ANK1: variants seen among roughly 807,000 people sequenced by gnomAD.
The protein encoded by ANK1 is ankyrin-1.
In ANK1, 51 loss-of-function variants were observed where a neutral mutation model predicts 210.4. The ratio of observed to expected loss-of-function variants is 0.24; its 90% CI spans 0.19 to 0.31. ANK1 has a LOEUF of 0.31. Ranked by LOEUF, ANK1 falls within the 10% of genes least tolerant of loss-of-function variation. The probability of loss-of-function intolerance (pLI) is 1.00; values close to 1 mark genes in which losing one functional copy is unlikely to be tolerated. For synonymous variants in ANK1, 967 were observed against 1,025.9 expected (o/e 0.94, Z 1.10); for missense variants, 2,051 against 2,504.4 (o/e 0.82, Z 3.86).
chr8:41,888,891 G>A (rs1293236053), intron 1 of ANK1, among the ~76,000 whole-genome samples: 8 of 152,308 alleles, frequency 5.3e-5, no homozygotes, highest in African/African-American at 1.4e-4. Flanking sequence ...CACTGGAACC[G>A]GAGGCCACAG....
intron 1 of ANK1, among the ~76,000 whole-genome samples, chr8:41,864,891 G>C (rs899821266): frequency 6.6e-6 from 1 of 152,216 alleles, no homozygotes; most frequent in Non-Finnish European, 1.5e-5. Context: ...GCATTTCACA[G>C]CCCAAACAAC....
intron 1 of ANK1, among the ~76,000 whole-genome samples, chr8:41,896,046 A>C (rs1454522111): frequency 6.6e-6 from 1 of 152,210 alleles, no homozygotes; most frequent in Non-Finnish European, 1.5e-5. Context: ...GTCCTAGAGC[A>C]GCGCGGGCCT....
intron 42 of ANK1, among the ~76,000 whole-genome samples, chr8:41,656,751 G>A (rs1805850330): frequency 6.6e-6 from 1 of 152,200 alleles, no homozygotes; most frequent in Non-Finnish European, 1.5e-5. Context: ...ACATAGAGCT[G>A]TTTTGGGTCC....
intron 1 of ANK1, among the ~76,000 whole-genome samples, chr8:41,772,466 G>A (rs1158181143): frequency 6.6e-6 from 1 of 152,058 alleles, no homozygotes; most frequent in Non-Finnish European, 1.5e-5. Flanking sequence ...TAAAGCTTTT[G>A]TCAAAGGTTA....
In ANK1 at chr8:41,715,026, C is replaced by T; in HGVS notation, c.1651G>A (p.Val551Met). Residue 551 changes from valine to methionine, a missense_variant, in exon 15 of 43, where the codon GTG becomes ATG. Coordinates refer to ENST00000289734, the MANE Select transcript of ANK1 (RefSeq NM_000037.4). ...HVAAKYGKVRVAELLLERDAH... is the reference protein window; with the variant it reads ...HVAAKYGKVRMAELLLERDAH... ...TCCCGCTCCAGCAGCAGCTCTGCCA[C>T]CCGCACCTTCCCGTACTTGGCCGCC... 1 of 1,614,158 alleles carries T rather than the reference C, an allele frequency of 6.2e-7. No homozygotes were observed. The highest frequency in any genetic ancestry group is 8.5e-7 in the Non-Finnish European group (1 of 1,180,034).
chr8:41,793,549 G>A (rs929826757), intron 1 of ANK1, among the ~76,000 whole-genome samples: 3 of 152,226 alleles, frequency 2.0e-5, no homozygotes, highest in African/African-American at 7.2e-5. Flanking sequence ...TTGGTTGTGT[G>A]TGAAGAATGG....
At chr8:41,877,305 G>A (rs1816771808) in intron 1 of ANK1, among the ~76,000 whole-genome samples, 1 of 152,258 alleles carries the variant, frequency 6.6e-6, no homozygotes, top group Admixed American at 6.5e-5. Flanking sequence ...CCAGGCTGGG[G>A]AAAGGAGCAG....
At chr8:41,810,665 C>A (rs893275931) in intron 1 of ANK1, among the ~76,000 whole-genome samples, 1 of 152,218 alleles carries the variant, frequency 6.6e-6, no homozygotes, top group East Asian at 1.9e-4. Flanking sequence ...TCCAGAGCAA[C>A]GTGCCGCCGA....
At chr8:41,688,789 C>T (rs775546218) in intron 33 of ANK1, among the ~76,000 whole-genome samples, 200 bp from the exon 34 acceptor site, 3 of 152,138 alleles carry the variant, frequency 2.0e-5, no homozygotes, top group Non-Finnish European at 4.4e-5. Flanking sequence ...AGCGCACATG[C>T]GTTATTAATC....
intron 38 of ANK1, among the ~76,000 whole-genome samples, chr8:41,672,020 G>T (rs1291146375): frequency 6.6e-6 from 1 of 150,466 alleles, no homozygotes; most frequent in Non-Finnish European, 1.5e-5. Flanking sequence ...AGCCCTCCCA[G>T]TGCCCTCATG....
chr8:41,682,205 G>A (rs550166078), intron 37 of ANK1, among the ~76,000 whole-genome samples: 14 of 149,842 alleles, frequency 9.3e-5, no homozygotes, highest in East Asian at 2.0e-4. Flanking sequence ...CTCCAGCCCC[G>A]TCCTGTGAAC....
intron 17 of ANK1, 57 bp downstream of exon 17, chr8:41,708,721 A>C (rs1364080104): frequency 1.3e-6 from 2 of 1,590,316 alleles, no homozygotes; most frequent in African/African-American, 2.7e-5. Flanking sequence ...CTCAATATGA[A>C]GACACCACAC....
At chr8:41,769,399 A>G (rs956408194) in intron 1 of ANK1, among the ~76,000 whole-genome samples, 1 of 152,222 alleles carries the variant, frequency 6.6e-6, no homozygotes, top group African/African-American at 2.4e-5. Context: ...TCCTCTACAC[A>G]GAGAACTCCA....
At chr8:41,755,169 C>G (rs1255206649) in intron 2 of ANK1, among the ~76,000 whole-genome samples, 1 of 152,214 alleles carries the variant, frequency 6.6e-6, no homozygotes, top group Non-Finnish European at 1.5e-5. Flanking sequence ...GAAATGGTGT[C>G]AATAAAGTGC....
intron 1 of ANK1, among the ~76,000 whole-genome samples, chr8:41,839,000 C>G (rs527796741): frequency 6.6e-6 from 1 of 151,986 alleles, no homozygotes; most frequent in South Asian, 2.1e-4. Flanking sequence ...TCACTTGAAC[C>G]CAGAAGGTGG....
intron 18 of ANK1, 46 bp downstream of exon 18, chr8:41,706,097 T>C (rs754740627): frequency 6.4e-7 from 1 of 1,558,340 alleles, no homozygotes; most frequent in Non-Finnish European, 8.8e-7. Flanking sequence ...TTCTGAAGTG[T>C]GAGCAAGGAG....
chr8:41,892,458 T>A (rs914655026), intron 1 of ANK1, among the ~76,000 whole-genome samples: 10 of 152,178 alleles, frequency 6.6e-5, no homozygotes, highest in African/African-American at 2.4e-4. Context: ...GCACTCTTCC[T>A]CCATCCCTCC....
intron 23 of ANK1, among the ~76,000 whole-genome samples, chr8:41,698,866 G>A (rs1241569311): frequency 6.6e-6 from 1 of 151,740 alleles, no homozygotes; most frequent in Non-Finnish European, 1.5e-5. Flanking sequence ...GCGCGATCTT[G>A]GCTCACTACA....
rs552438374 is a variant in ANK1, at chr8:41,873,692, G to C, written c.126+22663C>G. On this transcript the variant is annotated intron_variant, in intron 1 of 42. Coordinates refer to the ANK1 transcript ENST00000265709. ...CTAAGGCTCACTGGTATTTTCAGGG[G>C]TCAGCAGGGGCTCCTGCCATATTGC... is the stretch of plus-strand genomic sequence containing the variant. Among the ~76,000 whole-genome samples the C allele has an allele frequency of 3.2e-3, 487 of 152,336 alleles. 3 individuals are homozygous for C. Among genetic ancestry groups the C allele is most frequent in the African/African-American group, 0.01 (421 of 41,570 alleles).
Sources: gnomAD v4.1 joint callset for allele counts (sites outside exome capture counted in the v4.1 genomes callset) on GRCh38, gnomAD v4.1.1 for gene constraint, MANE v1.5 for transcripts, NCBI Gene and HGNC (gene_info 2026-07-23, HGNC 2026-07-21) for gene names.